TMPRSS7: variants seen among roughly 807,000 people sequenced by gnomAD.
TMPRSS7 encodes transmembrane serine protease 7, also known as transmembrane protease serine 7.
Under a neutral mutation model 95.6 loss-of-function variants are expected in TMPRSS7, and 81 were observed. The ratio of observed to expected loss-of-function variants is 0.85; its 90% CI spans 0.71 to 1.02. The LOEUF (loss-of-function observed/expected upper bound fraction) is 1.02. TMPRSS7 is among the 50% of genes least tolerant of loss of function. The probability of loss-of-function intolerance (pLI) is 0.00; values close to 1 mark genes in which losing one functional copy is unlikely to be tolerated. For missense variants in TMPRSS7, 945 were observed against 955.2 expected, an observed-to-expected ratio of 0.99 and a Z score of 0.14; for synonymous variants, 364 against 337.8, an observed-to-expected ratio of 1.08 and a Z score of -0.85.
chr3:112,057,126 G>T, exon 10 of TMPRSS7: 2 of 1,602,440 alleles, frequency 1.2e-6, no homozygotes, highest in South Asian at 1.1e-5. Flanking sequence ...AAATTAATGA[G>T]CACATGTAAG....
chr3:112,072,411 G>A (rs1269707455), intron 13 of TMPRSS7, among the ~76,000 whole-genome samples: 1 of 152,226 alleles, frequency 6.6e-6, no homozygotes, highest in Non-Finnish European at 1.5e-5. Context: ...TCCCAGTTAG[G>A]CTACACAGGG....
chr3:112,050,056 T>G, intron 8 of TMPRSS7, 82 bp downstream of exon 8: 1 of 1,369,650 alleles, frequency 7.3e-7, no homozygotes, highest in Admixed American at 2.3e-5. Context: ...GGAAGCTGTG[T>G]TGTAATATTC....
upstream of TMPRSS7, chr3:112,034,750 C>A (rs922376695): frequency 3.3e-5 from 22 of 674,230 alleles, no homozygotes; most frequent in African/African-American, 1.8e-4. Flanking sequence ...AGCTTGAATG[C>A]GGTGACGGTT....
intron 12 of TMPRSS7, 66 bp downstream of exon 12, chr3:112,063,698 G>A (rs2073541923): frequency 2.3e-6 from 3 of 1,279,744 alleles, no homozygotes; most frequent in Admixed American, 3.4e-5. Flanking sequence ...CATGATTGCT[G>A]CTGATATATA....
chr3:112,049,978 A>G lies in TMPRSS7; in HGVS notation c.1090+4A>G, dbSNP rs1404691135. On this transcript the variant is annotated splice_donor_region_variant and intron_variant, in intron 8 of 17. Transcript: ENST00000452346. ...TTTGAGGTCATTCCAGAACAAAGTA[A>G]GTCTTCCCCAATTATGGAGAAGTCA... The G allele has an allele frequency of 6.5e-7, 1 of 1,538,438 alleles. No individual in the cohort carries two copies. Among genetic ancestry groups the G allele is most frequent in the East Asian group, 2.3e-5 (1 of 43,584 alleles).
chr3:112,079,450 A>G (rs1324372455), intron 17 of TMPRSS7, among the ~76,000 whole-genome samples: 1 of 152,236 alleles, frequency 6.6e-6, no homozygotes, highest in Non-Finnish European at 1.5e-5. Context: ...CACGGCCCAC[A>G]GGCCACATGC....
In TMPRSS7 at chr3:112,066,436, G is replaced by A. The variant is rs190673773; in HGVS notation, c.1600G>A (p.Gly534Ser). ...CAATACCAGCTCCTTCAGGCAGCAT[G>A]GCCCTCTCATCTGTGATGGCTTCAG... Residue 534 changes from glycine to serine, a missense_variant, in exon 13 of 18, where the codon GGC becomes AGC. Gly to Ser is a moderately conservative substitution (Grantham distance 56). Transcript: ENST00000452346. The A allele has an allele frequency of 6.1e-5, 99 of 1,613,988 alleles. No individual in the cohort carries two copies. The highest frequency in any genetic ancestry group is 4.2e-4 in the Admixed American group (25 of 59,994).
chr3:112,080,869 T>C (rs1278645126), intron 17 of TMPRSS7, 45 bp from the exon 18 acceptor site: 10 of 1,559,922 alleles, frequency 6.4e-6, no homozygotes, highest in Admixed American at 5.5e-5. Flanking sequence ...AAACTGATGA[T>C]CATGGGACCA....
chr3:112,043,105 C>T (rs1293871789), intron 3 of TMPRSS7: 1 of 455,842 alleles, frequency 2.2e-6, no homozygotes, highest in Admixed American at 2.3e-5. Context: ...TTATACAGTC[C>T]TGTGTCGCTT....
At chr3:112,050,701 T>A (rs957485207) in exon 9 of TMPRSS7, 1 of 1,605,002 alleles carries the variant, frequency 6.2e-7, no homozygotes, top group Non-Finnish European at 8.5e-7. Flanking sequence ...GTCAAAGACA[T>A]CACTGGCTTT....
intron 7 of TMPRSS7, 39 bp from the exon 8 acceptor site, chr3:112,049,805 G>A (rs762242235): frequency 8.2e-6 from 12 of 1,471,146 alleles, no homozygotes; most frequent in East Asian, 2.3e-5. Context: ...CTCAAATAAC[G>A]TATTATTCAT....
chr3:112,060,551 G>A (rs925384168), intron 10 of TMPRSS7, among the ~76,000 whole-genome samples: 1 of 152,216 alleles, frequency 6.6e-6, no homozygotes, highest in Non-Finnish European at 1.5e-5. Flanking sequence ...TCTCCCATTT[G>A]CTTTTGAAAG....
At chr3:112,058,394 G>A (rs941963140) in intron 10 of TMPRSS7, among the ~76,000 whole-genome samples, 5 of 152,176 alleles carry the variant, frequency 3.3e-5, no homozygotes, top group African/African-American at 1.2e-4. Context: ...TCGTTTAGTA[G>A]CTACATTAAC....
chr3:112,078,882 A>G lies in TMPRSS7; in HGVS notation c.2361+4A>G. On this transcript the variant is annotated splice_donor_region_variant and intron_variant, in intron 17 of 17. Coordinates refer to ENST00000452346, the Ensembl canonical transcript of TMPRSS7. ...AGGCAAGAGAGATGCCTGCAAAGTAAGTCATTGTACCTTTCCCTTGCCTAA... is the reference window on the plus strand; with the variant it reads ...AGGCAAGAGAGATGCCTGCAAAGTAGGTCATTGTACCTTTCCCTTGCCTAA... The G allele has an allele frequency of 6.2e-7, 1 of 1,613,310 alleles. No homozygotes were observed. The highest frequency in any genetic ancestry group is 8.5e-7 in the Non-Finnish European group (1 of 1,179,910).
chr3:112,053,125 A>C (rs988613689), intron 9 of TMPRSS7, among the ~76,000 whole-genome samples: 2 of 151,996 alleles, frequency 1.3e-5, no homozygotes, highest in African/African-American at 4.8e-5. Flanking sequence ...TGTTACTGTG[A>C]ATGGAAATCA....
chr3:112,055,451 G>GCGGA (rs778886396), intron 9 of TMPRSS7, among the ~76,000 whole-genome samples: 1 of 47,342 alleles, frequency 2.1e-5, no homozygotes, highest in Non-Finnish European at 6.3e-5. Context: ...AAACACTTGC[G>GCGGA]CAGACACACA....
At chr3:112,078,038 C>T (rs2107765105) in intron 16 of TMPRSS7, among the ~76,000 whole-genome samples, 1 of 152,310 alleles carries the variant, frequency 6.6e-6, no homozygotes, top group Non-Finnish European at 1.5e-5. Context: ...TTCTCAAAGG[C>T]AGCTTCTCAG....
At chr3:112,077,123 T>G (rs758546220) in exon 16 of TMPRSS7, 1 of 1,614,068 alleles carries the variant, frequency 6.2e-7, no homozygotes. Flanking sequence ...GGTAACTGGC[T>G]GGGGGCGAAG....
In TMPRSS7 at chr3:112,038,116, GC is replaced by G. The variant is rs763195115; in HGVS notation, c.95del (p.Pro32GlnfsTer2). The G allele has an allele frequency of 7.1e-6, 5 of 702,460 alleles. No homozygotes were observed. Among genetic ancestry groups the G allele is most frequent in the Non-Finnish European group, 1.3e-5 (5 of 384,834 alleles). 43.5% of individuals were successfully genotyped at this position (702,460 alleles called of 1,614,324 possible). On this transcript the variant is annotated frameshift_variant, in exon 2 of 18. Coordinates refer to ENST00000452346, the Ensembl canonical transcript of TMPRSS7. LOFTEE classifies it high-confidence loss of function. Reference sequence around the variant, plus strand: ...AAGTGGTCAGTGCCCAAAAGAAGCTGCCAGTGAGACGACCACCGTTGCCAGG... The same window carrying G: ...AAGTGGTCAGTGCCCAAAAGAAGCTGCAGTGAGACGACCACCGTTGCCAGG...
Sources: allele counts gnomAD v4.1 joint callset (sites outside exome capture counted in the v4.1 genomes callset), GRCh38; gene constraint gnomAD v4.1.1; transcripts MANE v1.5; gene names NCBI Gene and HGNC (gene_info 2026-07-23, HGNC 2026-07-21).